Variants in DOT1L observed in about 807,000 individuals in gnomAD.
DOT1L encodes the protein histone-lysine N-methyltransferase, H3 lysine-79 specific.
In DOT1L, 33 loss-of-function variants were observed where a neutral mutation model predicts 153.3. The observed-to-expected ratio is 0.22, with a 90% CI of 0.16 to 0.29. DOT1L has a LOEUF of 0.29. Among genes scored for constraint, DOT1L ranks in the 10% least tolerant of loss-of-function variants. DOT1L has a pLI of 1.00. For missense variants in DOT1L, 1,847 were observed against 2,119.9 expected (o/e 0.87, Z 2.53); for synonymous variants, 1,135 against 965.1 (o/e 1.18, Z -3.26).
intron 1 of DOT1L, among the ~76,000 whole-genome samples, chr19:2,176,861 C>T (rs879585758): frequency 2.6e-5 from 4 of 152,204 alleles, no homozygotes; most frequent in Non-Finnish European, 4.4e-5. Context: ...TCTGGGACCA[C>T]AGCAGGCTGG....
At position 2,193,597 on chromosome 19, in the gene DOT1L, G is replaced by T. The variant is rs771600537; in HGVS notation, c.494-92G>T. ...GCCTCCCCTGTGGGTCTTCATGGCC[G>T]CATTCTTGTGGCCTCTGTCTCCGAG... On this transcript the variant is annotated intron_variant, in intron 5 of 27. Coordinates refer to ENST00000398665, the MANE Select transcript of DOT1L (RefSeq NM_032482.3). This position sits in a 1 kb window ranked among gnomAD's most constrained non-coding sequence, Gnocchi z 5.9. The T allele has an allele frequency of 9.8e-6, 12 of 1,226,570 alleles. No homozygotes were observed. In the Admixed American group the frequency reaches 1.3e-4, roughly 14 times the overall value. The allele number at this position is 1,226,570 out of a possible 1,614,324, so 76.0% of individuals were successfully genotyped here.
chr19:2,231,177 G>T lies in DOT1L; in HGVS notation c.*1385G>T. On this transcript the variant is annotated 3_prime_UTR_variant, in exon 28 of 28. Transcript: ENST00000398665. ...GGCTCTGTGCCCTCCCTGGAGGATG[G>T]GATCTGGGAGTCTGAGCTCCCCGCA... is the stretch of plus-strand genomic sequence containing the variant. The T allele has an allele frequency of 4.4e-6, 1 of 227,602 alleles. No individual in the cohort carries two copies. The highest frequency in any genetic ancestry group is 8.7e-6 in the Non-Finnish European group (1 of 114,542). The allele number at this position is 227,602 out of a possible 1,614,324, so 14.1% of individuals were successfully genotyped here. A position where few individuals can be genotyped will look rare whatever the true frequency, so the allele number is the denominator to read the frequency against.
intron 1 of DOT1L, among the ~76,000 whole-genome samples, chr19:2,166,481 T>C (rs1188922204): frequency 1.4e-4 from 21 of 146,474 alleles, no homozygotes; most frequent in Admixed American, 1.2e-3. Flanking sequence ...GTGCCATCTC[T>C]GCTCACTGCA....
At chr19:2,177,502 T>C (rs1418578757) in intron 1 of DOT1L, among the ~76,000 whole-genome samples, 3 of 152,072 alleles carry the variant, frequency 2.0e-5, no homozygotes, top group African/African-American at 7.2e-5. Flanking sequence ...TTTTATATTA[T>C]TAGTGGTAAT....
At chr19:2,165,258 G>C (rs1214878844) in intron 1 of DOT1L, among the ~76,000 whole-genome samples, 1 of 134,180 alleles carries the variant, frequency 7.5e-6, no homozygotes, top group South Asian at 2.4e-4. Flanking sequence ...GCCCGGCCGG[G>C]CATCCCCGCG....
At chr19:2,170,910 C>A (rs987577476) in intron 1 of DOT1L, among the ~76,000 whole-genome samples, 2 of 152,046 alleles carry the variant, frequency 1.3e-5, no homozygotes, top group Non-Finnish European at 2.9e-5. Flanking sequence ...CCAGGAGTCT[C>A]CTGGAACCTG....
At chr19:2,225,538 C>A in intron 26 of DOT1L, 86 bp downstream of exon 26, 3 of 1,383,758 alleles carry the variant, frequency 2.2e-6, no homozygotes, top group Non-Finnish European at 2.1e-6. Flanking sequence ...CCTGCTGGCC[C>A]GCTGCATCGT....
rs1195563771 is a variant in DOT1L at position 2,213,857 on chromosome 19, G to A, written c.1668G>A (p.Val556=). 6.2e-7 allele frequency: 1 copy of A among 1,613,016 alleles called. No homozygotes were observed. Among genetic ancestry groups the A allele is most frequent in the African/African-American group, 1.3e-5 (1 of 74,958 alleles). ...LFQQKLDELG[V]KALTYNDLIQ... ...CCGCCCCATGTCCCCAGCTGGGTGT[G>A]AAGGCGCTGACCTACAACGACCTGA... Residue 556 remains valine, a synonymous_variant, in exon 18 of 28, where the codon GTG becomes GTA. Coordinates refer to ENST00000398665, the MANE Select transcript of DOT1L (RefSeq NM_032482.3).
rs2024507041 is a variant in DOT1L, at chr19:2,229,467, CGGGCT to C, written c.4607-315_4607-311del. 2.0e-6 allele frequency: 2 copies of C among 985,356 alleles called. 1 individual carries two copies. The highest frequency in any genetic ancestry group is 2.4e-6 in the Non-Finnish European group (2 of 829,936). 61.0% of individuals were successfully genotyped at this position (985,356 alleles called of 1,614,324 possible). On this transcript the variant is annotated intron_variant, in intron 27 of 27. Transcript: ENST00000398665. Reference sequence around the variant, plus strand: ...CCTGGCGGGTCAATGCGGGCACCTGCGGGCTGGACAAGCTATGCTGGGTCTCTTAG... The same window carrying C: ...CCTGGCGGGTCAATGCGGGCACCTGCGGACAAGCTATGCTGGGTCTCTTAG...
At chr19:2,228,440 G>A in intron 27 of DOT1L, 1 of 1,231,288 alleles carries the variant, frequency 8.1e-7, no homozygotes, top group Non-Finnish European at 1.0e-6. Flanking sequence ...CCTTCCTTTG[G>A]CAGAGAAGAC....
chr19:2,175,779 G>A (rs192902588), intron 1 of DOT1L, among the ~76,000 whole-genome samples: 156 of 152,242 alleles, frequency 1.0e-3, no homozygotes, highest in Non-Finnish European at 1.8e-3. Context: ...GCAGTGAGCC[G>A]AGACTGCGCC....
intron 19 of DOT1L, 55 bp downstream of exon 19, chr19:2,214,651 C>G: frequency 6.3e-7 from 1 of 1,594,530 alleles, no homozygotes; most frequent in Non-Finnish European, 8.5e-7. Context: ...CCATCAGCCT[C>G]CCTGTGACGT....
At chr19:2,165,088 A>T (rs2144626583) in intron 1 of DOT1L, among the ~76,000 whole-genome samples, 1 of 152,304 alleles carries the variant, frequency 6.6e-6, no homozygotes, top group African/African-American at 2.4e-5. Flanking sequence ...CCGGGGTGCG[A>T]GTCCCGGCGT....
intron 1 of DOT1L, among the ~76,000 whole-genome samples, chr19:2,175,822 C>T (rs1292158002): frequency 6.6e-6 from 1 of 151,960 alleles, no homozygotes; most frequent in Non-Finnish European, 1.5e-5. Flanking sequence ...TGCAGTGAGC[C>T]GAGACCACAC....
chr19:2,229,362 C>T lies in DOT1L; in HGVS notation c.4607-423C>T, dbSNP rs144208077. On this transcript the variant is annotated intron_variant, in intron 27 of 27. Coordinates refer to ENST00000398665, the MANE Select transcript of DOT1L (RefSeq NM_032482.3). Reference sequence around the variant, plus strand: ...CCCCTGGGACACAGGCCTTCCTGGGCGAGTCCAAAGCCCACCGGGCAAGGA... The same window carrying T: ...CCCCTGGGACACAGGCCTTCCTGGGTGAGTCCAAAGCCCACCGGGCAAGGA... The T allele has an allele frequency of 6.5e-4, 640 of 985,426 alleles. 2 individuals carry two copies. In the East Asian group the frequency reaches 0.025, roughly 39 times the overall value. The allele number at this position is 985,426 out of a possible 1,614,324, so 61.0% of individuals were successfully genotyped here.
chr19:2,221,722 G>A (rs1467536398), intron 23 of DOT1L: 13 of 488,098 alleles, frequency 2.7e-5, no homozygotes, highest in Non-Finnish European at 3.6e-5. Context: ...GGGAGGCAGC[G>A]TCTCAGCCGG....
At position 2,220,300 on chromosome 19, in the gene DOT1L, G is replaced by T. The variant is rs1412407813; in HGVS notation, c.2806+78G>T. ...TCAGGCAGGAGGGCTGGGTTGCTGG[G>T]AGTGGAACAGGGCTTCCTGGGGTGA... On this transcript the variant is annotated intron_variant, in intron 23 of 27. Transcript: ENST00000398665. This position sits in a 1 kb window ranked among gnomAD's most constrained non-coding sequence, Gnocchi z 4.5. 2 of 1,419,222 alleles carry T rather than the reference G, an allele frequency of 1.4e-6. No individual in the cohort carries two copies. The highest frequency in any genetic ancestry group is 1.9e-6 in the Non-Finnish European group (2 of 1,032,354). 87.9% of individuals were successfully genotyped at this position (1,419,222 alleles called of 1,614,324 possible).
At chr19:2,221,606 C>T (rs902527666) in intron 23 of DOT1L, 15 of 266,462 alleles carry the variant, frequency 5.6e-5, no homozygotes, top group African/African-American at 2.4e-4. Context: ...AGGGAGGCCA[C>T]GCAGCCATGG....
At chr19:2,179,310 G>A (rs935080284) in intron 1 of DOT1L, among the ~76,000 whole-genome samples, 2 of 152,110 alleles carry the variant, frequency 1.3e-5, no homozygotes, top group Non-Finnish European at 1.5e-5. Flanking sequence ...CAGGTGCCCT[G>A]CTGGTTGCTT....
Sources: allele counts gnomAD v4.1 joint callset (sites outside exome capture counted in the v4.1 genomes callset), GRCh38; gene constraint gnomAD v4.1.1; non-coding constraint Gnocchi (gnomAD v3.1); transcripts MANE v1.5; gene names NCBI Gene and HGNC (gene_info 2026-07-23, HGNC 2026-07-21).